The following ABLIM3 variants were observed in gnomAD, a reference collection of about 807,000 sequenced individuals.
ABLIM3 encodes actin binding LIM protein family member 3, also known as actin-binding LIM protein 3.
ABLIM3 carries 61 observed loss-of-function variants against 109.5 expected under a neutral mutation model. That is an observed-to-expected ratio of 0.56 (90% CI 0.45 to 0.69). The LOEUF is 0.69. Ranked by LOEUF, ABLIM3 falls within the 30% of genes least tolerant of loss-of-function variation. The pLI, the probability that ABLIM3 is intolerant of heterozygous loss-of-function variation, is 0.00. For synonymous variants in ABLIM3, 300 were observed against 324.8 expected, an observed-to-expected ratio of 0.92 and a Z score of 0.82; for missense variants, 796 against 889.5, an observed-to-expected ratio of 0.89 and a Z score of 1.34.
intron 2 of ABLIM3, among the ~76,000 whole-genome samples, chr5:149,147,898 A>C (rs1050437615): frequency 9.2e-5 from 14 of 152,298 alleles, no homozygotes; most frequent in Non-Finnish European, 1.6e-4. Context: ...GGCTGTGGGC[A>C]CAGCTGGCAT....
Position 149,239,875 on chromosome 5 carries a change from C to G in ABLIM3, c.1191C>G (p.His397Gln), listed in dbSNP as rs746984241. Residue 397 changes from histidine (H) to glutamine (Q), a missense_variant, in exon 13 of 24, where the codon CAC (histidine) becomes CAG (glutamine). His to Gln is a conservative substitution (Grantham distance 24). Transcript: ENST00000309868. ...MSPTFSRSPH[H>Q]YYRSGPESGR... ...CCACCTTCTCCCGCTCACCTCACCA[C>G]TACTACCGCTCTGGTAAGGAAGGGG... is the stretch of plus-strand genomic sequence containing the variant. 1 of 1,608,104 alleles carries G rather than the reference C, an allele frequency of 6.2e-7. No individual in the cohort carries two copies. The highest frequency in any genetic ancestry group is 1.1e-5 in the South Asian group (1 of 90,312).
chr5:149,161,579 G>T (rs115502385), intron 2 of ABLIM3, among the ~76,000 whole-genome samples: 3,638 of 152,296 alleles, frequency 0.024, 76 homozygotes, highest in Non-Finnish European at 0.031. Flanking sequence ...GGAGTCGACT[G>T]GGGACAGAGT....
At chr5:149,227,858 T>C (rs1761476336) in intron 8 of ABLIM3, among the ~76,000 whole-genome samples, 2 of 152,268 alleles carry the variant, frequency 1.3e-5, no homozygotes, top group South Asian at 4.1e-4. Context: ...TGTTTATTTA[T>C]TCACTCAATG....
chr5:149,155,710 A>T (rs1753815040), intron 2 of ABLIM3, among the ~76,000 whole-genome samples: 1 of 152,218 alleles, frequency 6.6e-6, no homozygotes, highest in Admixed American at 6.5e-5. Flanking sequence ...GGGTACTGGG[A>T]TGGAGACCGA....
intron 8 of ABLIM3, among the ~76,000 whole-genome samples, chr5:149,229,901 G>A (rs1035278313): frequency 2.0e-4 from 30 of 152,172 alleles, no homozygotes; most frequent in African/African-American, 5.8e-4. Context: ...AAATGTGGGC[G>A]TTAGCAGTAT....
intron 14 of ABLIM3, among the ~76,000 whole-genome samples, chr5:149,241,356 G>T (rs1752822538): frequency 6.6e-6 from 1 of 152,192 alleles, no homozygotes; most frequent in Non-Finnish European, 1.5e-5. Flanking sequence ...AGCCATAGGT[G>T]CCATAAACAT....
intron 23 of ABLIM3, among the ~76,000 whole-genome samples, chr5:149,254,816 G>T (rs1377069517): frequency 3.9e-5 from 6 of 152,264 alleles, no homozygotes; most frequent in Admixed American, 2.0e-4. Context: ...GAATCACCCA[G>T]GGACCTTTTT....
At position 149,258,611 on chromosome 5, in the gene ABLIM3, G is replaced by A; in HGVS notation, c.*207G>A. 7.6e-7 allele frequency: 1 copy of A among 1,314,910 alleles called. No individual in the cohort carries two copies. The highest frequency in any genetic ancestry group is 3.1e-5 in the East Asian group (1 of 31,814). 81.5% of individuals were successfully genotyped at this position (1,314,910 alleles called of 1,614,324 possible). A position where few individuals can be genotyped will look rare whatever the true frequency, so the allele number is the denominator to read the frequency against. ...CTAAGTGCTGTGGGATCTGGGAAGGGATTTGAGGGGACTCTGTCCTTTTAT... is the reference window on the plus strand; with the variant it reads ...CTAAGTGCTGTGGGATCTGGGAAGGAATTTGAGGGGACTCTGTCCTTTTAT... On this transcript the variant is annotated 3_prime_UTR_variant, in exon 24 of 24. Coordinates refer to ENST00000309868, the MANE Select transcript of ABLIM3 (RefSeq NM_014945.5).
intron 3 of ABLIM3, among the ~76,000 whole-genome samples, chr5:149,195,083 C>T (rs765433069): frequency 6.6e-6 from 1 of 152,176 alleles, no homozygotes; most frequent in South Asian, 2.1e-4. Context: ...TTGAAAATCA[C>T]TAAAACTGTA....
At chr5:149,156,200 T>C (rs1287845403) in intron 2 of ABLIM3, among the ~76,000 whole-genome samples, 2 of 152,228 alleles carry the variant, frequency 1.3e-5, no homozygotes, top group Non-Finnish European at 2.9e-5. Flanking sequence ...TTGACCAAAC[T>C]GAGAAGGCTA....
In ABLIM3 at chr5:149,239,270, A is replaced by G; in HGVS notation, c.1067A>G (p.Tyr356Cys). The G allele has an allele frequency of 6.2e-7, 1 of 1,613,420 alleles. No homozygotes were observed. Among genetic ancestry groups the G allele is most frequent in the Non-Finnish European group, 8.5e-7 (1 of 1,179,782 alleles). ...AAGTCGCTGGGAACATTATCTCCCT[A>G]CTCCCAGGTAATTCAGCTGATAGAG... is the stretch of plus-strand genomic sequence containing the variant. The part of the protein sequence containing the change: ...YGESLGTLSP[Y>C]SQDIYENLDL... Residue 356 changes from tyrosine to cysteine, a missense_variant, in exon 12 of 24, where the codon TAC (tyrosine) becomes TGC (cysteine). Tyr to Cys is a radical substitution (Grantham distance 194). Transcript: ENST00000309868.
At chr5:149,190,623 T>A (rs754967129) in intron 3 of ABLIM3, among the ~76,000 whole-genome samples, 3 of 152,182 alleles carry the variant, frequency 2.0e-5, no homozygotes, top group Admixed American at 6.5e-5. Flanking sequence ...GAGGTTGCAG[T>A]GAGTTGTTAT....
Position 149,258,920 on chromosome 5 carries a change from TG to T in ABLIM3, c.*520del. Reference sequence around the variant, plus strand: ...CCCAATTAGGAGCTCAGTGCTCTCTTGGGGCAATGCAGTTAAAAGGGTGAGC... The same window carrying T: ...CCCAATTAGGAGCTCAGTGCTCTCTTGGGCAATGCAGTTAAAAGGGTGAGC... On this transcript the variant is annotated 3_prime_UTR_variant, in exon 24 of 24. Coordinates refer to ENST00000309868, the MANE Select transcript of ABLIM3 (RefSeq NM_014945.5). The T allele has an allele frequency of 2.0e-6, 2 of 990,870 alleles. No homozygotes were observed. The highest frequency in any genetic ancestry group is 2.4e-6 in the Non-Finnish European group (2 of 833,526). The allele number at this position is 990,870 out of a possible 1,614,324, so 61.4% of individuals were successfully genotyped here. A position where few individuals can be genotyped will look rare whatever the true frequency, so the allele number is the denominator to read the frequency against.
chr5:149,149,127 C>T (rs1478015240), intron 2 of ABLIM3, among the ~76,000 whole-genome samples: 1 of 152,182 alleles, frequency 6.6e-6, no homozygotes, highest in African/African-American at 2.4e-5. Flanking sequence ...TAAGTAGAGA[C>T]CATGCTGGGA....
Position 149,206,961 on chromosome 5 carries a change from T to A in ABLIM3, c.449-47T>A. On this transcript the variant is annotated intron_variant, in intron 5 of 23. Coordinates refer to ENST00000309868, the MANE Select transcript of ABLIM3 (RefSeq NM_014945.5). Reference sequence around the variant, plus strand: ...GACGTGGGCCTGAGATAGCGGGGGTTAAAGGGCCCAGGGTGCTTTGCTCAG... The same window carrying A: ...GACGTGGGCCTGAGATAGCGGGGGTAAAAGGGCCCAGGGTGCTTTGCTCAG... 1.9e-6 allele frequency: 3 copies of A among 1,587,664 alleles called. No homozygotes were observed. The South Asian group carries it at 3.4e-5, about 18-fold the overall frequency.
At chr5:149,214,883 C>T (rs1759901088) in intron 7 of ABLIM3, among the ~76,000 whole-genome samples, 1 of 152,180 alleles carries the variant, frequency 6.6e-6, no homozygotes, top group Admixed American at 6.5e-5. Context: ...GTTTTCGGTC[C>T]TCTCAAATAG....
intron 6 of ABLIM3, among the ~76,000 whole-genome samples, chr5:149,209,591 T>C (rs956819611): frequency 6.6e-6 from 1 of 152,172 alleles, no homozygotes; most frequent in African/African-American, 2.4e-5. Flanking sequence ...CCAAAAGAGA[T>C]TGTGTTGGCA....
intron 8 of ABLIM3, among the ~76,000 whole-genome samples, chr5:149,223,939 C>T (rs149585780): frequency 6.6e-6 from 1 of 152,304 alleles, no homozygotes; most frequent in Non-Finnish European, 1.5e-5. Flanking sequence ...ACTAGCATTG[C>T]TGGTTCTGCC....
Position 149,198,008 on chromosome 5 carries a change from G to A in ABLIM3, c.152-211G>A, listed in dbSNP as rs1357341616. Among the ~76,000 whole-genome samples, 1 of 149,182 alleles carries A rather than the reference G, an allele frequency of 6.7e-6. No individual in the cohort carries two copies. The highest frequency in any genetic ancestry group is 1.5e-5 in the Non-Finnish European group (1 of 67,528). On this transcript the variant is annotated intron_variant, in intron 3 of 23. Coordinates refer to ENST00000309868, the MANE Select transcript of ABLIM3 (RefSeq NM_014945.5). The surrounding 1 kb of genome is among the most constrained non-coding windows in gnomAD (Gnocchi z 4.2). ...ACTGGCCATTCTTTAAGGAATACTGGCCCCAAAGGCCTGTGAAGTCTGACA... is the reference window on the plus strand; with the variant it reads ...ACTGGCCATTCTTTAAGGAATACTGACCCCAAAGGCCTGTGAAGTCTGACA...
Sources: gnomAD v4.1 joint callset for allele counts (sites outside exome capture counted in the v4.1 genomes callset) on GRCh38, gnomAD v4.1.1 for gene constraint, Gnocchi (gnomAD v3.1) non-coding constraint, MANE v1.5 for transcripts, NCBI Gene and HGNC (gene_info 2026-07-23, HGNC 2026-07-21) for gene names.